ARHGEF26: variants seen among roughly 807,000 people sequenced by gnomAD.
ARHGEF26 encodes the protein Rho guanine nucleotide exchange factor 26, also known as Rho guanine nucleotide exchange factor (GEF) 26.
In ARHGEF26, 59 loss-of-function variants were observed where a neutral mutation model predicts 89.4. The ratio of observed to expected loss-of-function variants is 0.66; its 90% CI spans 0.54 to 0.82. The LOEUF is 0.82. Ranked by LOEUF, ARHGEF26 falls within the 40% of genes least tolerant of loss-of-function variation. The pLI is 0.00. For synonymous variants in ARHGEF26, 500 were observed against 428.4 expected (o/e 1.17, Z -2.06); for missense variants, 1,234 against 1,085.6 (o/e 1.14, Z -1.92).
chr3:154,236,140 C>T (rs1717115818), intron 11 of ARHGEF26, among the ~76,000 whole-genome samples: 1 of 152,104 alleles, frequency 6.6e-6, no homozygotes, highest in East Asian at 1.9e-4. Flanking sequence ...ACCTGCTTAA[C>T]AAAGAATGCC....
chr3:154,183,972 TC>T (rs1171152308), intron 6 of ARHGEF26, among the ~76,000 whole-genome samples: 2 of 146,844 alleles, frequency 1.4e-5, no homozygotes, highest in Non-Finnish European at 3.0e-5. Flanking sequence ...TTTTCAATTT[TC>T]TTTCTTTTTT....
chr3:154,143,771 A>C (rs1007123605), intron 4 of ARHGEF26, among the ~76,000 whole-genome samples: 1 of 152,204 alleles, frequency 6.6e-6, no homozygotes, highest in Non-Finnish European at 1.5e-5. Context: ...GTCTTCGGTT[A>C]AATTATAGAA....
intron 6 of ARHGEF26, among the ~76,000 whole-genome samples, chr3:154,158,410 G>C (rs1310672986): frequency 6.6e-6 from 1 of 152,136 alleles, no homozygotes; most frequent in Non-Finnish European, 1.5e-5. Context: ...GAGTATTTGG[G>C]GAGTTAGAAT....
chr3:154,187,224 GT>G (rs1287863784), intron 6 of ARHGEF26: 1 of 984,078 alleles, frequency 1.0e-6, no homozygotes. Flanking sequence ...TTATTTAGGT[GT>G]TTTGCTCATG....
Position 154,254,705 on chromosome 3 carries a change from C to T in ARHGEF26, c.2369-15C>T, listed in dbSNP as rs371221008. The T allele has an allele frequency of 8.1e-5, 131 of 1,608,456 alleles. No individual in the cohort carries two copies. Among genetic ancestry groups the T allele is most frequent in the African/African-American group, 4.1e-4 (31 of 74,746 alleles). ...TCTGCTACTGGAAACTTAGTATGTC[C>T]TCTTTTGGCCTCAGCACTGACCCAG... On this transcript the variant is annotated splice_polypyrimidine_tract_variant and intron_variant, in intron 13 of 14. Transcript: ENST00000465093.
rs903936492 is a variant in ARHGEF26 at position 154,122,893 on chromosome 3, G to A, written c.901G>A (p.Asp301Asn). Residue 301 changes from aspartate (D) to asparagine (N), a missense_variant, in exon 2 of 15, where the codon GAC becomes AAC. Coordinates refer to ENST00000465093, the MANE Select transcript of ARHGEF26 (RefSeq NM_015595.4). ...HAGEESEVDN[D>N]VDSPGSLRRG... ...AGGGGAGGAGAGTGAGGTCGATAAC[G>A]ACGTGGATAGCCCAGGGTCTCTGCG... is the stretch of plus-strand genomic sequence containing the variant. 1 of 1,613,058 alleles carries A rather than the reference G, an allele frequency of 6.2e-7. No homozygotes were observed.
chr3:154,256,123 C>G lies in ARHGEF26; in HGVS notation c.*650C>G, dbSNP rs1202825810. ...TTAGGATTTTTAAAAAAAAATCCAT[C>G]TCACCCCATATTGTTCTTAAATAAG... On this transcript the variant is annotated 3_prime_UTR_variant, in exon 15 of 15. Transcript: ENST00000465093. 15 of 985,148 alleles carry G rather than the reference C, an allele frequency of 1.5e-5. No individual in the cohort carries two copies. The highest frequency in any genetic ancestry group is 1.7e-5 in the Non-Finnish European group (14 of 829,482). The allele number at this position is 985,148 out of a possible 1,614,324, so 61.0% of individuals were successfully genotyped here.
chr3:154,223,533 T>A (rs1716270804), intron 10 of ARHGEF26, among the ~76,000 whole-genome samples: 1 of 152,210 alleles, frequency 6.6e-6, no homozygotes, highest in South Asian at 2.1e-4. Context: ...AAAGTTCTTA[T>A]ACATGCCTTG....
intron 9 of ARHGEF26, among the ~76,000 whole-genome samples, chr3:154,203,168 G>A (rs532786741): frequency 2.6e-5 from 4 of 152,226 alleles, no homozygotes; most frequent in East Asian, 3.9e-4. Context: ...TTAGAGATAC[G>A]TCCCATTGAT....
intron 10 of ARHGEF26, among the ~76,000 whole-genome samples, chr3:154,221,813 A>T (rs1716147727): frequency 6.6e-6 from 1 of 152,212 alleles, no homozygotes; most frequent in African/African-American, 2.4e-5. Context: ...GTGGTCAGGG[A>T]GTGGGCCTTG....
At position 154,122,529 on chromosome 3, in the gene ARHGEF26, C is replaced by A. The variant is rs764944186; in HGVS notation, c.537C>A (p.Ala179=). 6.2e-7 allele frequency: 1 copy of A among 1,613,498 alleles called. No individual in the cohort carries two copies. The highest frequency in any genetic ancestry group is 1.7e-5 in the Admixed American group (1 of 60,020). ...CTTCGCCCACTGCAAATGGCCTTGCCGCTAATAACGACTCTCCTGGGTCAG... is the reference window on the plus strand; with the variant it reads ...CTTCGCCCACTGCAAATGGCCTTGCAGCTAATAACGACTCTCCTGGGTCAG... ...PVPSPTANGL[A]ANNDSPGSGS... The change falls in exon 2 of 15, where the codon GCC becomes GCA. Residue 179 remains alanine, a synonymous_variant. Coordinates refer to ENST00000465093, the MANE Select transcript of ARHGEF26 (RefSeq NM_015595.4).
intron 9 of ARHGEF26, among the ~76,000 whole-genome samples, chr3:154,209,406 G>A (rs893117893): frequency 1.2e-4 from 18 of 152,088 alleles, no homozygotes; most frequent in Non-Finnish European, 2.2e-4. Flanking sequence ...ATCCTTCTTG[G>A]GAAGGCTTTC....
intron 6 of ARHGEF26, among the ~76,000 whole-genome samples, chr3:154,175,911 G>A (rs1481086438): frequency 6.6e-6 from 1 of 152,206 alleles, no homozygotes; most frequent in Non-Finnish European, 1.5e-5. Context: ...CATTATGCAA[G>A]GTATAGTTTA....
intron 4 of ARHGEF26, 131 bp from the exon 5 acceptor site, chr3:154,149,258 G>A: frequency 1.8e-6 from 1 of 557,102 alleles, no homozygotes. Context: ...AATTAATATT[G>A]ATGAATTCAA....
chr3:154,225,516 G>T (rs530927506), intron 10 of ARHGEF26, among the ~76,000 whole-genome samples: 1 of 152,066 alleles, frequency 6.6e-6, no homozygotes, highest in South Asian at 2.1e-4. Flanking sequence ...TTATTACTAG[G>T]CTTTTCAATT....
rs1309619829 is a variant in ARHGEF26, at chr3:154,205,117, T to TTC, written c.1845+10399_1845+10400insTC. Among the ~76,000 whole-genome samples, 22 of 152,336 alleles carry TTC rather than the reference T, an allele frequency of 1.4e-4. 1 individual carries two copies. In the South Asian group the frequency reaches 4.3e-3, roughly 30 times the overall value. On this transcript the variant is annotated intron_variant, in intron 9 of 14. Transcript: ENST00000465093. ...AATGTGGGATGTTGAAGTCTCTAGC[T>TTC]ATTATGGTACTATGGTGTATCTCTT... is the stretch of plus-strand genomic sequence containing the variant.
chr3:154,123,979 A>T (rs1329110022), intron 2 of ARHGEF26, among the ~76,000 whole-genome samples: 1 of 152,254 alleles, frequency 6.6e-6, no homozygotes, highest in Non-Finnish European at 1.5e-5. Flanking sequence ...ACCAGTCTAT[A>T]TAAATGGCAC....
In ARHGEF26 at chr3:154,127,650, A is replaced by G. The variant is rs541769522; in HGVS notation, c.1124-1924A>G. On this transcript the variant is annotated intron_variant, in intron 3 of 14. Coordinates refer to ENST00000465093, the MANE Select transcript of ARHGEF26 (RefSeq NM_015595.4). The stretch of plus-strand genomic sequence containing the variant: ...TAGGAGTGCACTCTAAAATAATGAT[A>G]AAAAGCATGGTATAGTAAATACATA... 5.3e-5 allele frequency among the ~76,000 whole-genome samples: 8 copies of G among 151,636 alleles called. No homozygotes were observed. The South Asian group carries it at 1.7e-3, about 32-fold the overall frequency.
At chr3:154,253,780 G>T (rs1303248730) in intron 13 of ARHGEF26, among the ~76,000 whole-genome samples, 2 of 152,094 alleles carry the variant, frequency 1.3e-5, no homozygotes, top group Non-Finnish European at 2.9e-5. Context: ...TATTACAGTT[G>T]CAAGGTCAAA....
Sources: allele counts gnomAD v4.1 joint callset (sites outside exome capture counted in the v4.1 genomes callset), GRCh38; gene constraint gnomAD v4.1.1; transcripts MANE v1.5; gene names NCBI Gene and HGNC (gene_info 2026-07-23, HGNC 2026-07-21).